Variants in PIK3C2A observed in about 807,000 individuals in gnomAD.
PIK3C2A encodes phosphatidylinositol 4-phosphate 3-kinase C2 domain-containing subunit alpha.
In PIK3C2A, 97 loss-of-function variants were observed where a neutral mutation model predicts 204.5. That is an observed-to-expected ratio of 0.47 (90% CI 0.40 to 0.56). The LOEUF (loss-of-function observed/expected upper bound fraction) is 0.56, where lower values mean the gene tolerates loss of function less well. PIK3C2A is among the 20% of genes least tolerant of loss of function. The pLI is 0.00. For synonymous variants in PIK3C2A, 653 were observed against 664.4 expected (o/e 0.98, Z 0.26); for missense variants, 1,735 against 1,969.2 (o/e 0.88, Z 2.25).
intron 1 of PIK3C2A, among the ~76,000 whole-genome samples, chr11:17,180,717 G>A (rs754680659): frequency 2.6e-5 from 4 of 152,144 alleles, no homozygotes; most frequent in Admixed American, 1.3e-4. Flanking sequence ...AGCTACTCAG[G>A]AGGCTGAGGC....
At chr11:17,119,117 T>TA (rs1477455011) in intron 17 of PIK3C2A, 103 bp downstream of exon 17, 5 of 721,354 alleles carry the variant, frequency 6.9e-6, no homozygotes, top group African/African-American at 5.4e-5. Flanking sequence ...GTTCCCACAC[T>TA]AAAAAACGAC....
chr11:17,177,463 T>C (rs565280590), intron 1 of PIK3C2A, among the ~76,000 whole-genome samples: 1 of 152,254 alleles, frequency 6.6e-6, no homozygotes, highest in African/African-American at 2.4e-5. Context: ...CAGGCTAAAA[T>C]GACTCATTAA....
chr11:17,094,332 G>T lies in PIK3C2A; in HGVS notation c.4380C>A (p.Phe1460Leu). Residue 1460 changes from phenylalanine (F) to leucine (L), a missense_variant, in exon 28 of 33, where the codon TTC (phenylalanine) becomes TTA (leucine). Physicochemically the swap from Phe to Leu is conservative, Grantham distance 22. Coordinates refer to ENST00000691414, the MANE Select transcript of PIK3C2A (RefSeq NM_002645.4). ...GTTCCTGAAATTCGTCAAATGTTCGGAAGACAAATGATGGTTCAATCTGTC... is the reference window on the plus strand; with the variant it reads ...GTTCCTGAAATTCGTCAAATGTTCGTAAGACAAATGATGGTTCAATCTGTC... Reference protein sequence around the residue: ...REGQIEPSFVFRTFDEFQELH... With the variant: ...REGQIEPSFVLRTFDEFQELH... 6.2e-7 allele frequency: 1 copy of T among 1,609,956 alleles called. No homozygotes were observed. The highest frequency in any genetic ancestry group is 8.5e-7 in the Non-Finnish European group (1 of 1,176,258).
chr11:17,154,212 C>A (rs1191865354), intron 3 of PIK3C2A, among the ~76,000 whole-genome samples: 1 of 152,068 alleles, frequency 6.6e-6, no homozygotes, highest in Non-Finnish European at 1.5e-5. Context: ...ACTTGCAAAG[C>A]TTAAATGTAG....
chr11:17,123,415 ATTC>A (rs1222728038), intron 13 of PIK3C2A, among the ~76,000 whole-genome samples: 3 of 146,316 alleles, frequency 2.1e-5, no homozygotes, highest in Admixed American at 6.9e-5. Flanking sequence ...TGCTCAGCTA[ATTC>A]TTGTTTTTTT....
intron 30 of PIK3C2A, 32 bp from the exon 31 acceptor site, chr11:17,091,688 C>G: frequency 1.5e-6 from 2 of 1,372,614 alleles, no homozygotes. Context: ...TCTTTATTTA[C>G]TGGTTGTAGT....
At position 17,205,913 on chromosome 11, in the gene PIK3C2A, G is replaced by A. The variant is rs568008407; in HGVS notation, c.-66+1935C>T. 1.2e-4 allele frequency among the ~76,000 whole-genome samples: 19 copies of A among 152,290 alleles called. 1 individual carries two copies. Among genetic ancestry groups the A allele is most frequent in the Admixed American group, 3.3e-4 (5 of 15,284 alleles). ...AGACGGGCAGATCACTTGAGGTCAG[G>A]AGTTCGAGACTAGCCTGGTCAACAT... On this transcript the variant is annotated intron_variant, in intron 1 of 32. Transcript: ENST00000691414.
chr11:17,122,693 T>G lies in PIK3C2A; in HGVS notation c.2511+9A>C, dbSNP rs895508741. ...GTACACCTCTCTACATGTCAAGAAG[T>G]ACCATTACCTGTAGCACTATTCTTT... On this transcript the variant is annotated intron_variant, in intron 14 of 32. Coordinates refer to ENST00000691414, the MANE Select transcript of PIK3C2A (RefSeq NM_002645.4). 2 of 1,129,116 alleles carry G rather than the reference T, an allele frequency of 1.8e-6. No homozygotes were observed. Among genetic ancestry groups the G allele is most frequent in the Non-Finnish European group, 2.7e-6 (2 of 745,576 alleles). The allele number at this position is 1,129,116 out of a possible 1,614,324, so 69.9% of individuals were successfully genotyped here.
chr11:17,090,613 C>T (rs974888386), intron 32 of PIK3C2A, among the ~76,000 whole-genome samples: 2 of 152,084 alleles, frequency 1.3e-5, no homozygotes, highest in Admixed American at 6.6e-5. Context: ...ACACTGGAAA[C>T]GTAGTTGAAT....
intron 1 of PIK3C2A, among the ~76,000 whole-genome samples, chr11:17,197,465 AT>A (rs1852201427): frequency 6.6e-6 from 1 of 152,188 alleles, no homozygotes; most frequent in African/African-American, 2.4e-5. Context: ...AGTAGTCATT[AT>A]TCCTGAAGAC....
At chr11:17,101,489 T>C (rs1848620093) in intron 24 of PIK3C2A, 55 bp from the exon 25 acceptor site, 1 of 951,232 alleles carries the variant, frequency 1.1e-6, no homozygotes, top group South Asian at 3.0e-5. Flanking sequence ...ACTCCAATAG[T>C]GCTATTACAT....
At chr11:17,157,191 A>G (rs1850623439) in intron 2 of PIK3C2A, among the ~76,000 whole-genome samples, 1 of 152,128 alleles carries the variant, frequency 6.6e-6, no homozygotes, top group Non-Finnish European at 1.5e-5. Context: ...ACCAATTGCA[A>G]TGAAGTTAAA....
At chr11:17,192,992 C>T (rs1400998020) in intron 1 of PIK3C2A, among the ~76,000 whole-genome samples, 3 of 152,222 alleles carry the variant, frequency 2.0e-5, no homozygotes, top group Non-Finnish European at 4.4e-5. Context: ...AGTACACTCA[C>T]ACAATGTCAT....
Position 17,129,475 on chromosome 11 carries a change from G to A in PIK3C2A, c.2232-8C>T. 1 of 1,562,714 alleles carries A rather than the reference G, an allele frequency of 6.4e-7. No individual in the cohort carries two copies. Among genetic ancestry groups the A allele is most frequent in the Non-Finnish European group, 8.8e-7 (1 of 1,138,346 alleles). ...TGGATAGGAAAAATGATTCTATGGG[G>A]GGAAAAATGTATTAATAGAACAAAT... is the stretch of plus-strand genomic sequence containing the variant. On this transcript the variant is annotated splice_region_variant and splice_polypyrimidine_tract_variant and intron_variant, in intron 12 of 32. Coordinates refer to ENST00000691414, the MANE Select transcript of PIK3C2A (RefSeq NM_002645.4).
rs758760896 is a variant in PIK3C2A at position 17,148,739 on chromosome 11, T to C, written c.1376A>G (p.His459Arg). The C allele has an allele frequency of 1.9e-6, 3 of 1,610,714 alleles. No individual in the cohort carries two copies. Among genetic ancestry groups the C allele is most frequent in the Admixed American group, 1.7e-5 (1 of 59,992 alleles). The change falls in exon 5 of 33, where the codon CAT (histidine) becomes CGT (arginine). Residue 459 changes from histidine to arginine, a missense_variant. By Grantham distance (29) the His-to-Arg change is conservative (BLOSUM62 0). This residue lies in a region of PIK3C2A where 536 missense variants were observed against 546.7 expected (regional missense o/e 0.98). Coordinates refer to ENST00000691414, the MANE Select transcript of PIK3C2A (RefSeq NM_002645.4). ...IIIMQALCWVHDDLNQVDVGS... is the reference protein window; with the variant it reads ...IIIMQALCWVRDDLNQVDVGS... ...AACATCTACTTGATTCAAGTCATCA[T>C]GTACCCAGCAAAGGGCTTGCATTAT...
intron 15 of PIK3C2A, among the ~76,000 whole-genome samples, chr11:17,121,778 T>C (rs963934170): frequency 1.3e-5 from 2 of 152,086 alleles, no homozygotes; most frequent in Non-Finnish European, 2.9e-5. Flanking sequence ...AAATTGCTTG[T>C]TCCTACTTAG....
At chr11:17,190,553 C>T (rs1442222299) in intron 1 of PIK3C2A, among the ~76,000 whole-genome samples, 3 of 141,270 alleles carry the variant, frequency 2.1e-5, no homozygotes, top group South Asian at 2.2e-4. Flanking sequence ...CCAGCCTGGG[C>T]GACAGAGCAA....
chr11:17,156,293 T>C (rs888007453), intron 2 of PIK3C2A, among the ~76,000 whole-genome samples: 1 of 152,220 alleles, frequency 6.6e-6, no homozygotes. Flanking sequence ...AAAATTAGAA[T>C]TGGAACATTC....
chr11:17,121,621 GTATCCT>G (rs542627222), intron 15 of PIK3C2A, among the ~76,000 whole-genome samples: 40 of 152,176 alleles, frequency 2.6e-4, no homozygotes, highest in African/African-American at 8.2e-4. Flanking sequence ...CCCATTTTAT[GTATCCT>G]TATCAACACT....
Sources: gnomAD v4.1 joint callset for allele counts (sites outside exome capture counted in the v4.1 genomes callset) on GRCh38, gnomAD v4.1.1 for gene constraint, gnomAD v4.1.1 regional missense constraint, MANE v1.5 for transcripts, NCBI Gene and HGNC (gene_info 2026-07-23, HGNC 2026-07-21) for gene names.